The following TRPC4 variants were observed in gnomAD, a reference collection of about 807,000 sequenced individuals.
TRPC4 encodes short transient receptor potential channel 4.
Under a neutral mutation model 99.4 loss-of-function variants are expected in TRPC4, and 49 were observed. The ratio of observed to expected loss-of-function variants is 0.49; its 90% CI spans 0.39 to 0.63. The LOEUF (loss-of-function observed/expected upper bound fraction) is 0.63, where lower values mean the gene tolerates loss of function less well. TRPC4 is among the 20% of genes least tolerant of loss of function. TRPC4 has a pLI of 0.00. For missense variants in TRPC4, 898 were observed against 1,152.9 expected, an observed-to-expected ratio of 0.78 and a Z score of 3.20; for synonymous variants, 454 against 425.9, an observed-to-expected ratio of 1.07 and a Z score of -0.81.
intron 2 of TRPC4, among the ~76,000 whole-genome samples, chr13:37,749,699 T>C (rs1955879729): frequency 6.6e-6 from 1 of 152,174 alleles, no homozygotes; most frequent in Non-Finnish European, 1.5e-5. Context: ...TCATCACTTC[T>C]ACATTTATTA....
rs532172165 is a variant in TRPC4 at position 37,643,935 on chromosome 13, A to G, written c.2080-4636T>C. 4.6e-5 allele frequency among the ~76,000 whole-genome samples: 7 copies of G among 152,110 alleles called. No homozygotes were observed. In the East Asian group the frequency reaches 1.4e-3, roughly 29 times the overall value. On this transcript the variant is annotated intron_variant, in intron 8 of 10. Coordinates refer to ENST00000379705, the MANE Select transcript of TRPC4 (RefSeq NM_016179.4). ...GTTTTTCTTGGGTCTCGGTCTTCAC[A>G]TGGCCATGTTCTTACAAGGACCCTA...
chr13:37,685,983 A>G (rs1027254781), intron 4 of TRPC4, among the ~76,000 whole-genome samples: 1 of 152,170 alleles, frequency 6.6e-6, no homozygotes, highest in African/African-American at 2.4e-5. Context: ...TGATTTCCTC[A>G]AAAATTAAAA....
In TRPC4 at chr13:37,634,499, T is replaced by G. The variant is rs929316240; in HGVS notation, c.*2404A>C. ...AGGGTCTTACTTGCTCCAAATACAT[T>G]CCTCTATTACCATCATGTCCCCCTA... On this transcript the variant is annotated 3_prime_UTR_variant, in exon 11 of 11. Coordinates refer to ENST00000379705, the MANE Select transcript of TRPC4 (RefSeq NM_016179.4). 6.6e-6 allele frequency among the ~76,000 whole-genome samples: 1 copy of G among 152,112 alleles called. No individual in the cohort carries two copies. The highest frequency in any genetic ancestry group is 6.6e-5 in the Admixed American group (1 of 15,248).
chr13:37,856,349 A>G (rs1447649456), intron 1 of TRPC4, among the ~76,000 whole-genome samples: 2 of 150,974 alleles, frequency 1.3e-5, no homozygotes, highest in African/African-American at 2.4e-5. Context: ...TATACCAATA[A>G]TAAGTAATGA....
At chr13:37,756,417 C>A (rs1398870000) in intron 2 of TRPC4, among the ~76,000 whole-genome samples, 1 of 152,022 alleles carries the variant, frequency 6.6e-6, no homozygotes, top group Admixed American at 6.6e-5. Context: ...TTAGTCTAAG[C>A]CTAGGGCTAA....
chr13:37,716,982 C>T (rs1196419642), intron 3 of TRPC4, among the ~76,000 whole-genome samples: 3 of 151,862 alleles, frequency 2.0e-5, no homozygotes, highest in Non-Finnish European at 4.4e-5. Context: ...GTTTATATAA[C>T]CAAACGCACA....
intron 1 of TRPC4, among the ~76,000 whole-genome samples, chr13:37,797,764 T>C (rs1280712923): frequency 2.0e-5 from 3 of 152,190 alleles, no homozygotes; most frequent in Non-Finnish European, 4.4e-5. Flanking sequence ...ACAAATGTAG[T>C]AATTACCGTA....
chr13:37,635,019 C>T lies in TRPC4; in HGVS notation c.*1884G>A, dbSNP rs992883997. ...AAAATCTAGTATTTCAAATTGAGTT[C>T]TGAGATCACATAATAAATATGTTTT... On this transcript the variant is annotated 3_prime_UTR_variant, in exon 11 of 11. Transcript: ENST00000379705. Among the ~76,000 whole-genome samples, 1 of 151,568 alleles carries T rather than the reference C, an allele frequency of 6.6e-6. No homozygotes were observed. Among genetic ancestry groups the T allele is most frequent in the East Asian group, 2.0e-4 (1 of 5,086 alleles).
intron 3 of TRPC4, among the ~76,000 whole-genome samples, chr13:37,735,763 G>A (rs1278696461): frequency 6.6e-6 from 1 of 152,152 alleles, no homozygotes; most frequent in Non-Finnish European, 1.5e-5. Flanking sequence ...GCATCATAAA[G>A]AGCTGCTTAT....
At chr13:37,650,612 T>TACACACACACAC (rs57068516) in intron 8 of TRPC4, among the ~76,000 whole-genome samples, 12,737 of 140,196 alleles carry the variant, frequency 0.091, 779 homozygotes, top group East Asian at 0.35. Flanking sequence ...TCTCTCTCTA[T>TACACACACACAC]ACACACACAC....
intron 1 of TRPC4, among the ~76,000 whole-genome samples, chr13:37,812,417 A>C (rs114844248): frequency 0.011 from 1,610 of 152,064 alleles, 21 homozygotes; most frequent in African/African-American, 0.037. Context: ...AAAGATATTA[A>C]AATTAGCAAG....
At chr13:37,843,767 T>C (rs906632076) in intron 1 of TRPC4, among the ~76,000 whole-genome samples, 8 of 152,020 alleles carry the variant, frequency 5.3e-5, no homozygotes, top group Non-Finnish European at 1.0e-4. Flanking sequence ...ATAGGAGTTC[T>C]CCAGCTTCAC....
At chr13:37,826,629 C>G (rs1593269102) in intron 1 of TRPC4, among the ~76,000 whole-genome samples, 1 of 152,142 alleles carries the variant, frequency 6.6e-6, no homozygotes, top group East Asian at 1.9e-4. Flanking sequence ...TATAGGGTTT[C>G]TGCCAAGAGA....
intron 1 of TRPC4, among the ~76,000 whole-genome samples, chr13:37,791,398 T>TA (rs11312586): frequency 1.7e-4 from 20 of 114,730 alleles, no homozygotes; most frequent in South Asian, 5.5e-4. Flanking sequence ...TCTGTCTCAA[T>TA]AAAAAAAAAA....
intron 1 of TRPC4, among the ~76,000 whole-genome samples, chr13:37,851,858 C>T (rs1353417008): frequency 5.9e-5 from 9 of 152,190 alleles, no homozygotes; most frequent in Non-Finnish European, 1.2e-4. Flanking sequence ...GTGGACATTA[C>T]TTTGAACTCA....
Position 37,639,051 on chromosome 13 carries a change from C to T in TRPC4, c.2200G>A (p.Glu734Lys). The change falls in exon 10 of 11, where the codon GAG (glutamate) becomes AAG (lysine). Residue 734 changes from glutamate to lysine, a missense_variant. Physicochemically the swap from Glu to Lys is moderately conservative, Grantham distance 56. Coordinates refer to ENST00000379705, the MANE Select transcript of TRPC4 (RefSeq NM_016179.4). ...ATGAAAATGGTTACCTTAAAGTTCTCTTCGGTCAGGCCTTCTTCAGTTTTA... is the reference window on the plus strand; with the variant it reads ...ATGAAAATGGTTACCTTAAAGTTCTTTTCGGTCAGGCCTTCTTCAGTTTTA... ...DAKTEEGLTE[E>K]NFKELKQDIS... 2 of 1,613,544 alleles carry T rather than the reference C, an allele frequency of 1.2e-6. No homozygotes were observed. Among genetic ancestry groups the T allele is most frequent in the Non-Finnish European group, 1.7e-6 (2 of 1,179,552 alleles).
At chr13:37,837,168 T>C (rs1958588572) in intron 1 of TRPC4, among the ~76,000 whole-genome samples, 1 of 152,192 alleles carries the variant, frequency 6.6e-6, no homozygotes, top group African/African-American at 2.4e-5. Flanking sequence ...AGGCAGAAGT[T>C]TGTTACAGGG....
At chr13:37,685,131 A>G (rs1286463226) in intron 4 of TRPC4, among the ~76,000 whole-genome samples, 2 of 152,202 alleles carry the variant, frequency 1.3e-5, no homozygotes, top group Non-Finnish European at 2.9e-5. Flanking sequence ...TGCATCTTAA[A>G]GAGCATTACA....
intron 5 of TRPC4, among the ~76,000 whole-genome samples, chr13:37,668,308 A>T (rs1341445586): frequency 1.3e-5 from 2 of 152,206 alleles, no homozygotes; most frequent in Admixed American, 1.3e-4. Context: ...CCTATATAAT[A>T]GAGAGGTACT....
Sources: allele counts gnomAD v4.1 joint callset (sites outside exome capture counted in the v4.1 genomes callset), GRCh38; gene constraint gnomAD v4.1.1; transcripts MANE v1.5; gene names NCBI Gene and HGNC (gene_info 2026-07-23, HGNC 2026-07-21).